Variants in SCAMP1 observed in about 807,000 individuals in gnomAD.
SCAMP1 encodes secretory carrier membrane protein 1, also known as secretory carrier-associated membrane protein 1.
In SCAMP1, 15 loss-of-function variants were observed where a neutral mutation model predicts 41.8. That is an observed-to-expected ratio of 0.36 (90% CI 0.24 to 0.55). The LOEUF (loss-of-function observed/expected upper bound fraction) is 0.55, where lower values mean the gene tolerates loss of function less well. Among genes scored for constraint, SCAMP1 ranks in the 20% least tolerant of loss-of-function variants. The pLI, the probability that SCAMP1 is intolerant of heterozygous loss-of-function variation, is 0.86. For synonymous variants in SCAMP1, 135 were observed against 136.8 expected (o/e 0.99, Z 0.09); for missense variants, 341 against 412.6 (o/e 0.83, Z 1.50).
intron 6 of SCAMP1, among the ~76,000 whole-genome samples, chr5:78,437,538 C>A (rs1292372987): frequency 6.6e-6 from 1 of 152,194 alleles, no homozygotes; most frequent in African/African-American, 2.4e-5. Flanking sequence ...CATGTTGAAC[C>A]AGCCTTGCAT....
chr5:78,367,494 T>C (rs1435326362), intron 1 of SCAMP1, among the ~76,000 whole-genome samples: 6 of 152,226 alleles, frequency 3.9e-5, no homozygotes, highest in Non-Finnish European at 8.8e-5. Context: ...ATGTAGCCTC[T>C]CTACTAGTAA....
chr5:78,452,866 T>C (rs1753275149), intron 7 of SCAMP1, among the ~76,000 whole-genome samples: 1 of 149,418 alleles, frequency 6.7e-6, no homozygotes, highest in South Asian at 2.2e-4. Context: ...CCTGACTTTT[T>C]AATGATCGCC....
At chr5:78,379,548 T>C (rs549587935) in intron 1 of SCAMP1, among the ~76,000 whole-genome samples, 22 of 152,224 alleles carry the variant, frequency 1.4e-4, no homozygotes, top group Non-Finnish European at 2.2e-4. Context: ...GAGAAAATGA[T>C]TTTATCAAAT....
intron 8 of SCAMP1, among the ~76,000 whole-genome samples, chr5:78,470,789 T>C (rs777717585): frequency 3.0e-4 from 46 of 152,306 alleles, no homozygotes; most frequent in Non-Finnish European, 6.0e-4. Flanking sequence ...CAGCACTTTC[T>C]CTACATCCTT....
intron 2 of SCAMP1, among the ~76,000 whole-genome samples, chr5:78,404,103 G>A (rs1178510984): frequency 3.2e-5 from 4 of 126,606 alleles, no homozygotes; most frequent in African/African-American, 9.2e-5. Context: ...GTGACAAAGT[G>A]AGACCCTGTC....
chr5:78,412,964 C>A (rs1752117896), intron 2 of SCAMP1, among the ~76,000 whole-genome samples: 1 of 152,058 alleles, frequency 6.6e-6, no homozygotes, highest in South Asian at 2.1e-4. Flanking sequence ...ATTTTGGGTA[C>A]TTGGGATAGG....
chr5:78,405,552 G>C (rs1016947781), intron 2 of SCAMP1, among the ~76,000 whole-genome samples: 1 of 151,998 alleles, frequency 6.6e-6, no homozygotes, highest in Non-Finnish European at 1.5e-5. Flanking sequence ...TCTTCACTCT[G>C]GTCTTTTTGT....
At chr5:78,426,505 A>G (rs978694870) in intron 6 of SCAMP1, among the ~76,000 whole-genome samples, 1 of 152,172 alleles carries the variant, frequency 6.6e-6, no homozygotes, top group Non-Finnish European at 1.5e-5. Flanking sequence ...ATTGTATCTC[A>G]TTGTGGTTTT....
At chr5:78,377,248 T>C (rs1412451667) in intron 1 of SCAMP1, among the ~76,000 whole-genome samples, 1 of 152,200 alleles carries the variant, frequency 6.6e-6, no homozygotes, top group African/African-American at 2.4e-5. Flanking sequence ...TTGGCAACTC[T>C]AGTAATTGCT....
intron 2 of SCAMP1, 51 bp downstream of exon 2, chr5:78,388,965 C>G: frequency 1.1e-6 from 1 of 892,166 alleles, no homozygotes; most frequent in East Asian, 2.7e-5. Context: ...AGTAGGAATT[C>G]TATTTTAACT....
intron 1 of SCAMP1, among the ~76,000 whole-genome samples, chr5:78,365,079 G>A (rs1750760068): frequency 6.6e-6 from 1 of 152,186 alleles, no homozygotes; most frequent in Non-Finnish European, 1.5e-5. Flanking sequence ...CTATAGGATT[G>A]TAAATAGGAT....
In SCAMP1 at chr5:78,475,631, G is replaced by A; in HGVS notation, c.980G>A (p.Ser327Asn). The A allele has an allele frequency of 6.3e-7, 1 of 1,596,454 alleles. No homozygotes were observed. Among genetic ancestry groups the A allele is most frequent in the Non-Finnish European group, 8.5e-7 (1 of 1,171,260 alleles). The change falls in exon 9 of 9, where the codon AGT becomes AAT. Residue 327 changes from serine to asparagine, a missense_variant. Coordinates refer to ENST00000621999, the MANE Select transcript of SCAMP1 (RefSeq NM_004866.6). ...AANAASTAAS[S>N]AAQNAFKGNQ... The stretch of plus-strand genomic sequence containing the variant: ...AATGCAGCTTCAACTGCAGCATCTA[G>A]TGCAGCTCAGAATGCTTTCAAGGGT...
At position 78,461,519 on chromosome 5, in the gene SCAMP1, A is replaced by C. The variant is rs1169220008; in HGVS notation, c.852+2157A>C. Among the ~76,000 whole-genome samples the C allele has an allele frequency of 3.3e-5, 5 of 152,072 alleles. No homozygotes were observed. In the East Asian group the frequency reaches 9.7e-4, roughly 29 times the overall value. On this transcript the variant is annotated intron_variant, in intron 8 of 8. Coordinates refer to ENST00000621999, the MANE Select transcript of SCAMP1 (RefSeq NM_004866.6). ...GCATTATTTCTGGGTTCTCTGTTCGATTGGTCTGTTTTTGTACTGGTTACC... is the reference window on the plus strand; with the variant it reads ...GCATTATTTCTGGGTTCTCTGTTCGCTTGGTCTGTTTTTGTACTGGTTACC...
At chr5:78,460,305 T>C (rs577287339) in intron 8 of SCAMP1, among the ~76,000 whole-genome samples, 13 of 152,182 alleles carry the variant, frequency 8.5e-5, no homozygotes, top group Admixed American at 7.9e-4. Flanking sequence ...GGAAGGTCTA[T>C]TTTTACTTCT....
At chr5:78,409,226 C>T (rs1201294262) in intron 2 of SCAMP1, among the ~76,000 whole-genome samples, 1 of 152,004 alleles carries the variant, frequency 6.6e-6, no homozygotes, top group Non-Finnish European at 1.5e-5. Flanking sequence ...TGCTTTCTTG[C>T]CTCCCAGGAT....
At chr5:78,398,060 C>T (rs879770813) in intron 2 of SCAMP1, among the ~76,000 whole-genome samples, 4 of 152,176 alleles carry the variant, frequency 2.6e-5, no homozygotes, top group African/African-American at 4.8e-5. Context: ...ATTTGTTAAA[C>T]GTGGAGTTAC....
intron 2 of SCAMP1, among the ~76,000 whole-genome samples, chr5:78,398,695 C>T (rs374310115): frequency 1.6e-4 from 25 of 151,792 alleles, no homozygotes; most frequent in African/African-American, 6.0e-4. Context: ...AGGTTTGCGC[C>T]ACCACACCCG....
Position 78,369,347 on chromosome 5 carries a change from T to A in SCAMP1, c.57+8619T>A, listed in dbSNP as rs954185490. Among the ~76,000 whole-genome samples, 6 of 152,184 alleles carry A rather than the reference T, an allele frequency of 3.9e-5. No homozygotes were observed. The South Asian group carries it at 1.2e-3, about 32-fold the overall frequency. ...GTCTCCAACTCCTGACCTCAGGTGA[T>A]CTGCCTGCCTTGGCCTCCCAAAGTG... On this transcript the variant is annotated intron_variant, in intron 1 of 8. Transcript: ENST00000621999.
intron 1 of SCAMP1, among the ~76,000 whole-genome samples, chr5:78,376,808 G>A (rs1008520714): frequency 6.6e-6 from 1 of 152,120 alleles, no homozygotes; most frequent in Non-Finnish European, 1.5e-5. Context: ...ATTGATCTCT[G>A]GGGTGGAGGA....
Sources: gnomAD v4.1 joint callset for allele counts (sites outside exome capture counted in the v4.1 genomes callset) on GRCh38, gnomAD v4.1.1 for gene constraint, MANE v1.5 for transcripts, NCBI Gene and HGNC (gene_info 2026-07-23, HGNC 2026-07-21) for gene names.